SIPA1L3: variants seen among roughly 807,000 people sequenced by gnomAD.
SIPA1L3 encodes the protein signal-induced proliferation-associated 1-like protein 3.
A neutral mutation model predicts 150.1 loss-of-function variants in SIPA1L3; 59 were observed. That is an observed-to-expected ratio of 0.39 (90% CI 0.32 to 0.49). The LOEUF is 0.49. Among genes scored for constraint, SIPA1L3 ranks in the 20% least tolerant of loss-of-function variants. SIPA1L3 has a pLI of 0.86. For missense variants in SIPA1L3, 2,211 were observed against 2,489.5 expected (o/e 0.89, Z 2.38); for synonymous variants, 1,070 against 1,077.6 (o/e 0.99, Z 0.14).
At chr19:38,122,156 G>C (rs1309304647) in intron 9 of SIPA1L3, among the ~76,000 whole-genome samples, 1 of 152,108 alleles carries the variant, frequency 6.6e-6, no homozygotes, top group Non-Finnish European at 1.5e-5. Flanking sequence ...GAGAGGCAGA[G>C]GTTGCAGTGA....
intron 2 of SIPA1L3, among the ~76,000 whole-genome samples, chr19:38,041,568 C>T (rs1968924383): frequency 6.6e-6 from 1 of 151,964 alleles, no homozygotes; most frequent in African/African-American, 2.4e-5. Context: ...TGAGCCACCG[C>T]ACCAGGCCCC....
intron 1 of SIPA1L3, among the ~76,000 whole-genome samples, chr19:37,958,139 A>G (rs770738402): frequency 6.6e-6 from 1 of 152,194 alleles, no homozygotes; most frequent in Non-Finnish European, 1.5e-5. Context: ...AAGTTGCAAA[A>G]ATACTACAAA....
intron 8 of SIPA1L3, among the ~76,000 whole-genome samples, chr19:38,117,084 C>T (rs538523875): frequency 6.6e-6 from 1 of 152,328 alleles, no homozygotes; most frequent in Admixed American, 6.5e-5. Context: ...GCTCCTTCCG[C>T]CCAGAAGCCT....
At chr19:37,919,705 C>CTTTT (rs10644508) in intron 1 of SIPA1L3, among the ~76,000 whole-genome samples, 1,313 of 84,200 alleles carry the variant, frequency 0.016, 84 homozygotes, top group African/African-American at 0.06. Context: ...GGCCCTGAGG[C>CTTTT]TTTTTTTTTT....
At chr19:37,972,653 G>A (rs1280538604) in intron 1 of SIPA1L3, among the ~76,000 whole-genome samples, 1 of 152,164 alleles carries the variant, frequency 6.6e-6, no homozygotes, top group Non-Finnish European at 1.5e-5. Context: ...GCAGTGAGCT[G>A]TGATTGTGCC....
At chr19:38,173,489 CTCCAGAGCTTTCTGGGCT>C (rs1300879342) in intron 15 of SIPA1L3, 1 of 152,536 alleles carries the variant, frequency 6.6e-6, no homozygotes, top group Non-Finnish European at 1.5e-5. Flanking sequence ...GCAGCACGCA[CTCCAGAGCTTTCTGGGCT>C]TCCAGAGCAA....
rs190237684 is a variant in SIPA1L3 at position 38,157,769 on chromosome 19, G to A, written c.3662-4484G>A. Among the ~76,000 whole-genome samples, 130 of 152,306 alleles carry A rather than the reference G, an allele frequency of 8.5e-4. 3 individuals carry two copies. Among genetic ancestry groups the A allele is most frequent in the Middle Eastern group, 3.4e-3 (1 of 294 alleles). On this transcript the variant is annotated intron_variant, in intron 13 of 21. Transcript: ENST00000222345. ...CAGGGGCAGCCAGGATGGGGAGGAA[G>A]CTGCCCTTTCACCTGTGCATGCATT... is the stretch of plus-strand genomic sequence containing the variant.
chr19:38,119,023 C>T (rs1231617882), intron 8 of SIPA1L3, among the ~76,000 whole-genome samples: 2 of 151,952 alleles, frequency 1.3e-5, no homozygotes, highest in African/African-American at 2.4e-5. Flanking sequence ...AGTGAGACCT[C>T]GTCTCTACAA....
At chr19:38,086,468 T>A (rs1303680703) in intron 3 of SIPA1L3, among the ~76,000 whole-genome samples, 1 of 152,040 alleles carries the variant, frequency 6.6e-6, no homozygotes, top group Non-Finnish European at 1.5e-5. Flanking sequence ...GTAGGATGAT[T>A]ACTTGCCCCA....
chr19:38,141,906 C>T (rs1377416993), intron 11 of SIPA1L3, among the ~76,000 whole-genome samples: 1 of 152,190 alleles, frequency 6.6e-6, no homozygotes, highest in Non-Finnish European at 1.5e-5. Context: ...GGCTTGAGCC[C>T]AGAAGTTGGA....
chr19:38,007,258 G>C (rs2145672461), intron 1 of SIPA1L3, among the ~76,000 whole-genome samples: 1 of 152,282 alleles, frequency 6.6e-6, no homozygotes. Context: ...TTCGAGACCA[G>C]CCTGGCCAAC....
At chr19:38,023,165 G>A (rs979662655) in intron 1 of SIPA1L3, among the ~76,000 whole-genome samples, 1 of 152,204 alleles carries the variant, frequency 6.6e-6, no homozygotes, top group South Asian at 2.1e-4. Flanking sequence ...CAGGACCACC[G>A]TGGGGCCCCC....
At chr19:37,977,815 C>T (rs980567466) in intron 1 of SIPA1L3, among the ~76,000 whole-genome samples, 3 of 152,192 alleles carry the variant, frequency 2.0e-5, no homozygotes, top group Admixed American at 6.5e-5. Flanking sequence ...GCACGGTCTC[C>T]TCCTCACAGG....
intron 15 of SIPA1L3, among the ~76,000 whole-genome samples, chr19:38,178,093 GTGTGTGTGTGT>G (rs1568594712): frequency 0.011 from 666 of 61,210 alleles, 4 homozygotes; most frequent in Admixed American, 0.019. Flanking sequence ...TTTGGTGTGT[GTGTGTGTGTGT>G]GTGTGTGTGT....
Position 38,082,619 on chromosome 19 carries a change from C to T in SIPA1L3, c.1054C>T (p.Leu352Phe), listed in dbSNP as rs777617395. The change falls in exon 3 of 22, where the codon CTC becomes TTC. Residue 352 changes from leucine (L) to phenylalanine (F), a missense_variant. Leu to Phe is a conservative substitution (Grantham distance 22, BLOSUM62 0). Transcript: ENST00000222345. Reference sequence around the variant, plus strand: ...CGACGTGCAGAGCATGCTGTTCGACCTCAACGAGGCGGCCGCCAACAGGGT... The same window carrying T: ...CGACGTGCAGAGCATGCTGTTCGACTTCAACGAGGCGGCCGCCAACAGGGT... ...HFDVQSMLFD[L>F]NEAAANRVSV... 4 of 1,604,680 alleles carry T rather than the reference C, an allele frequency of 2.5e-6. No individual in the cohort carries two copies. The highest frequency in any genetic ancestry group is 1.1e-5 in the South Asian group (1 of 91,090).
rs1465109674 is a variant in SIPA1L3 at position 38,082,194 on chromosome 19, T to C, written c.629T>C (p.Val210Ala). 23 of 1,603,660 alleles carry C rather than the reference T, an allele frequency of 1.4e-5. No individual in the cohort carries two copies. Among genetic ancestry groups the C allele is most frequent in the Non-Finnish European group, 1.9e-5 (22 of 1,179,772 alleles). Residue 210 changes from valine (V) to alanine (A), a missense_variant, in exon 3 of 22, where the codon GTG (valine) becomes GCG (alanine). Coordinates refer to ENST00000222345, the MANE Select transcript of SIPA1L3 (RefSeq NM_015073.3). ...TACGGGAGCACCTCGTCCATCGACG[T>C]GCAGGGCATGCCCGAGCAGAGCTTC... ...REYGSTSSID[V>A]QGMPEQSFFD...
Position 38,045,052 on chromosome 19 carries a change from A to G in SIPA1L3, c.-311+15896A>G, listed in dbSNP as rs1358367059. On this transcript the variant is annotated intron_variant, in intron 2 of 21. Transcript: ENST00000222345. ...CTATCATTACCATTATTCTGGCTTCATGGCCCTCACCACCTAGTGGGGGAG... is the reference window on the plus strand; with the variant it reads ...CTATCATTACCATTATTCTGGCTTCGTGGCCCTCACCACCTAGTGGGGGAG... Among the ~76,000 whole-genome samples, 4 of 152,308 alleles carry G rather than the reference A, an allele frequency of 2.6e-5. No homozygotes were observed. The East Asian group carries it at 7.7e-4, about 29-fold the overall frequency.
At chr19:37,997,560 T>C (rs1176529533) in intron 1 of SIPA1L3, among the ~76,000 whole-genome samples, 2 of 86,408 alleles carry the variant, frequency 2.3e-5, no homozygotes, top group African/African-American at 1.0e-4. Context: ...AGAGTGAGAC[T>C]GTCTCATTAA....
At chr19:37,988,508 T>G (rs1335657894) in intron 1 of SIPA1L3, among the ~76,000 whole-genome samples, 1 of 152,066 alleles carries the variant, frequency 6.6e-6, no homozygotes. Context: ...AAACCCTGTC[T>G]CTAGTAAAAA....
Sources: gnomAD v4.1 joint callset for allele counts (sites outside exome capture counted in the v4.1 genomes callset) on GRCh38, gnomAD v4.1.1 for gene constraint, MANE v1.5 for transcripts, NCBI Gene and HGNC (gene_info 2026-07-23, HGNC 2026-07-21) for gene names.